Variants in MNAT1 observed in about 807,000 individuals in gnomAD.
The protein encoded by MNAT1 is CDK-activating kinase assembly factor MAT1.
A neutral mutation model predicts 42.0 loss-of-function variants in MNAT1; 43 were observed. The observed-to-expected ratio is 1.02, with a 90% CI of 0.80 to 1.32. The LOEUF (loss-of-function observed/expected upper bound fraction) is 1.32, where lower values mean the gene tolerates loss of function less well. Among genes scored for constraint, MNAT1 ranks in the 40% most tolerant of loss-of-function variants. The pLI is 0.00. For missense variants in MNAT1, 306 were observed against 350.4 expected (o/e 0.87, Z 1.01); for synonymous variants, 118 against 120.0 (o/e 0.98, Z 0.11).
chr14:60,913,032 T>C (rs2035415331), intron 7 of MNAT1, among the ~76,000 whole-genome samples: 1 of 152,318 alleles, frequency 6.6e-6, no homozygotes, highest in Admixed American at 6.5e-5. Flanking sequence ...TTTCTTTTTA[T>C]TCTTTTTTCT....
intron 6 of MNAT1, among the ~76,000 whole-genome samples, chr14:60,837,049 A>T (rs1316446397): frequency 1.3e-5 from 2 of 152,196 alleles, no homozygotes; most frequent in African/African-American, 4.8e-5. Flanking sequence ...CTCAAGCCTA[A>T]GTAATGATGG....
intron 7 of MNAT1, among the ~76,000 whole-genome samples, chr14:60,931,719 T>C (rs2035887339): frequency 6.6e-6 from 1 of 152,196 alleles, no homozygotes; most frequent in South Asian, 2.1e-4. Context: ...GGGAGAATAG[T>C]ACTACTTACT....
intron 1 of MNAT1, among the ~76,000 whole-genome samples, chr14:60,763,142 C>T (rs1170970675): frequency 2.0e-5 from 3 of 152,096 alleles, no homozygotes; most frequent in Non-Finnish European, 2.9e-5. Context: ...AAAAGTCATG[C>T]GTAGGGAGTT....
At chr14:60,840,076 A>G (rs1299223603) in intron 6 of MNAT1, among the ~76,000 whole-genome samples, 3 of 152,246 alleles carry the variant, frequency 2.0e-5, no homozygotes, top group South Asian at 2.1e-4. Context: ...AGAAACTTAG[A>G]TTATTGATTT....
At chr14:60,966,596 T>G (rs575594053) in intron 7 of MNAT1, among the ~76,000 whole-genome samples, 25 of 152,332 alleles carry the variant, frequency 1.6e-4, no homozygotes, top group Non-Finnish European at 2.9e-4. Context: ...CACTGCAACC[T>G]CCACCTCCTG....
chr14:60,906,263 C>T (rs2139515063), intron 7 of MNAT1, among the ~76,000 whole-genome samples: 1 of 152,224 alleles, frequency 6.6e-6, no homozygotes, highest in South Asian at 2.1e-4. Context: ...CAGGCTAGAC[C>T]TAGTTGATGA....
intron 7 of MNAT1, among the ~76,000 whole-genome samples, chr14:60,913,311 C>T (rs4902017): frequency 0.85 from 129,923 of 152,102 alleles, 57,273 homozygotes; most frequent in Non-Finnish European, 0.97. Context: ...TCTTCTGAAG[C>T]CTTCCTCTCT....
chr14:60,861,047 G>C (rs2139433709), intron 6 of MNAT1, among the ~76,000 whole-genome samples: 1 of 152,186 alleles, frequency 6.6e-6, no homozygotes, highest in Non-Finnish European at 1.5e-5. Context: ...GTAGGATCTT[G>C]AGGCTTTTTT....
chr14:60,806,584 C>T (rs2032375147), intron 3 of MNAT1, among the ~76,000 whole-genome samples: 1 of 152,218 alleles, frequency 6.6e-6, no homozygotes, highest in Admixed American at 6.5e-5. Context: ...AATCCCAGCA[C>T]TTTGGGAGGC....
At chr14:60,867,684 G>C (rs1449504711) in intron 6 of MNAT1, among the ~76,000 whole-genome samples, 1 of 152,002 alleles carries the variant, frequency 6.6e-6, no homozygotes, top group Non-Finnish European at 1.5e-5. Context: ...GTCATGAAAT[G>C]ATAGCAAGTT....
chr14:60,940,058 T>C (rs920834194), intron 7 of MNAT1, among the ~76,000 whole-genome samples: 3 of 152,220 alleles, frequency 2.0e-5, no homozygotes, highest in African/African-American at 7.2e-5. Context: ...TCGCAACCCC[T>C]GCCTTTTTTT....
chr14:60,798,068 C>A lies in MNAT1; in HGVS notation c.243-19C>A. 1.6e-6 allele frequency: 2 copies of A among 1,234,326 alleles called. No individual in the cohort carries two copies. The highest frequency in any genetic ancestry group is 1.2e-5 in the South Asian group (1 of 80,402). The allele number at this position is 1,234,326 out of a possible 1,614,324, so 76.5% of individuals were successfully genotyped here. ...GCAATGATATGTAATATGTAGATTT[C>A]TTTTTTCTTTTCTTAAAGATACAAT... is the stretch of plus-strand genomic sequence containing the variant. On this transcript the variant is annotated intron_variant, in intron 2 of 7. Transcript: ENST00000261245.
chr14:60,918,979 C>A (rs1222569311), intron 7 of MNAT1, among the ~76,000 whole-genome samples: 1 of 151,720 alleles, frequency 6.6e-6, no homozygotes, highest in East Asian at 1.9e-4. Context: ...GTGAAACTAA[C>A]CAAGTGAAGG....
intron 1 of MNAT1, among the ~76,000 whole-genome samples, chr14:60,746,686 C>CCGTA (rs1896626276): frequency 1.3e-5 from 2 of 150,326 alleles, no homozygotes; most frequent in Admixed American, 1.3e-4. Flanking sequence ...TTATATGGCT[C>CCGTA]TAACATATAT....
chr14:60,846,053 A>T (rs1484856619), intron 6 of MNAT1, among the ~76,000 whole-genome samples: 2 of 152,042 alleles, frequency 1.3e-5, no homozygotes, highest in Non-Finnish European at 2.9e-5. Context: ...TTTCTTTACT[A>T]ATAATAAGCC....
chr14:60,762,940 G>A (rs2030670377), intron 1 of MNAT1, among the ~76,000 whole-genome samples: 1 of 152,084 alleles, frequency 6.6e-6, no homozygotes, highest in African/African-American at 2.4e-5. Context: ...TTTATCAGTT[G>A]TTGTACAGAG....
At chr14:60,860,417 A>C (rs540829691) in intron 6 of MNAT1, among the ~76,000 whole-genome samples, 101 of 137,804 alleles carry the variant, frequency 7.3e-4, no homozygotes, top group African/African-American at 2.6e-3. Context: ...CAGTGGCGCG[A>C]TCTCTGCTCA....
At chr14:60,909,236 T>A (rs535989654) in intron 7 of MNAT1, among the ~76,000 whole-genome samples, 17 of 152,308 alleles carry the variant, frequency 1.1e-4, no homozygotes, top group African/African-American at 2.6e-4. Flanking sequence ...CTTTGTCAGA[T>A]GAGTAGGTTG....
rs539124165 is a variant in MNAT1, at chr14:60,896,047, G to A, written c.809+16212G>A. ...AGGAATAAAACCAAAAGAATACTGC[G>A]TTGAGATTTTTAGGTGATTGTTACT... On this transcript the variant is annotated intron_variant, in intron 7 of 7. Transcript: ENST00000261245. 3.9e-5 allele frequency among the ~76,000 whole-genome samples: 6 copies of A among 152,256 alleles called. No individual in the cohort carries two copies. The South Asian group carries it at 1.0e-3, about 26-fold the overall frequency.
Sources: allele counts gnomAD v4.1 joint callset (sites outside exome capture counted in the v4.1 genomes callset), GRCh38; gene constraint gnomAD v4.1.1; transcripts MANE v1.5; gene names NCBI Gene and HGNC (gene_info 2026-07-23, HGNC 2026-07-21).